RBMS3: variants seen among roughly 807,000 people sequenced by gnomAD.
RBMS3 encodes RNA binding motif single stranded interacting protein 3.
RBMS3 carries 27 observed loss-of-function variants against 66.8 expected under a neutral mutation model. The ratio of observed to expected loss-of-function variants is 0.40; its 90% confidence interval spans 0.30 to 0.56. The LOEUF is 0.56. Among genes scored for constraint, RBMS3 ranks in the 20% least tolerant of loss-of-function variants. The pLI is 0.40. For missense variants in RBMS3, 513 were observed against 549.5 expected (o/e 0.93, Z 0.66); for synonymous variants, 188 against 183.0 (o/e 1.03, Z -0.22).
intron 1 of RBMS3, among the ~76,000 whole-genome samples, chr3:29,434,515 A>T (rs1037913345): frequency 6.6e-6 from 1 of 152,200 alleles, no homozygotes; most frequent in African/African-American, 2.4e-5. Context: ...AGCACCTGAT[A>T]ACTGTTTTTT....
chr3:29,448,593 T>C (rs2041915756), intron 2 of RBMS3, among the ~76,000 whole-genome samples: 1 of 152,232 alleles, frequency 6.6e-6, no homozygotes. Context: ...AGGACAATTA[T>C]AGTCAGAGTT....
At chr3:29,309,666 A>G (rs1468744789) in intron 1 of RBMS3, among the ~76,000 whole-genome samples, 2 of 151,656 alleles carry the variant, frequency 1.3e-5, no homozygotes, top group Admixed American at 1.3e-4. Context: ...AGAAGCAGAA[A>G]TGAGTATTAT....
intron 4 of RBMS3, among the ~76,000 whole-genome samples, chr3:29,602,165 A>G (rs572567583): frequency 6.6e-6 from 1 of 152,132 alleles, no homozygotes; most frequent in Admixed American, 6.6e-5. Context: ...GTACACTGAC[A>G]CAAGTTAGTT....
intron 3 of RBMS3, among the ~76,000 whole-genome samples, chr3:29,517,609 C>A (rs563775282): frequency 6.6e-6 from 1 of 152,288 alleles, no homozygotes; most frequent in African/African-American, 2.4e-5. Context: ...AGGCGTGAGC[C>A]ACCGCGCCCG....
chr3:29,536,975 T>C (rs546859163), intron 3 of RBMS3, among the ~76,000 whole-genome samples: 1 of 152,340 alleles, frequency 6.6e-6, no homozygotes, highest in African/African-American at 2.4e-5. Context: ...CTGGAGAGAA[T>C]GTTATAAGAC....
At chr3:29,638,258 A>G (rs1233252930) in intron 4 of RBMS3, among the ~76,000 whole-genome samples, 1 of 151,326 alleles carries the variant, frequency 6.6e-6, no homozygotes, top group Non-Finnish European at 1.5e-5. Context: ...TATTGTATCT[A>G]TCTTGAAAAA....
chr3:29,936,784 A>G (rs2061276002), intron 11 of RBMS3, among the ~76,000 whole-genome samples: 1 of 152,134 alleles, frequency 6.6e-6, no homozygotes. Context: ...TCAGAGAACA[A>G]AAGTGTGCTG....
intron 4 of RBMS3, among the ~76,000 whole-genome samples, chr3:29,599,644 G>A (rs1271455366): frequency 3.3e-5 from 5 of 151,958 alleles, no homozygotes; most frequent in South Asian, 2.1e-4. Flanking sequence ...TATTAGAAAC[G>A]TAACTAAATT....
At chr3:29,871,529 G>T (rs2059491361) in intron 7 of RBMS3, among the ~76,000 whole-genome samples, 1 of 152,092 alleles carries the variant, frequency 6.6e-6, no homozygotes, top group Non-Finnish European at 1.5e-5. Context: ...TTTATAAAGA[G>T]ATCATTTGGG....
intron 5 of RBMS3, among the ~76,000 whole-genome samples, chr3:29,751,253 T>G (rs2055168909): frequency 6.6e-6 from 1 of 152,208 alleles, no homozygotes; most frequent in African/African-American, 2.4e-5. Context: ...ACTTTTAGTG[T>G]GTTATCAATA....
At chr3:29,818,317 A>G (rs1366727946) in intron 6 of RBMS3, among the ~76,000 whole-genome samples, 2 of 151,938 alleles carry the variant, frequency 1.3e-5, no homozygotes, top group East Asian at 3.9e-4. Context: ...TTTCTTCTTT[A>G]ATAAGTAAAA....
intron 6 of RBMS3, among the ~76,000 whole-genome samples, chr3:29,832,041 C>G (rs1331403189): frequency 1.3e-5 from 2 of 151,990 alleles, no homozygotes; most frequent in African/African-American, 4.8e-5. Flanking sequence ...TACACTATTC[C>G]TTTGTGTTTT....
intron 3 of RBMS3, among the ~76,000 whole-genome samples, chr3:29,582,076 A>G (rs2047346532): frequency 6.6e-6 from 1 of 152,174 alleles, no homozygotes; most frequent in Non-Finnish European, 1.5e-5. Context: ...CTCAGGGAAG[A>G]TGTTGCCAGC....
At chr3:29,325,398 A>T (rs1314763853) in intron 1 of RBMS3, among the ~76,000 whole-genome samples, 5 of 152,080 alleles carry the variant, frequency 3.3e-5, no homozygotes, top group Non-Finnish European at 7.4e-5. Flanking sequence ...ATTAACTTTC[A>T]AAAGTGTGTT....
At chr3:29,469,063 C>T (rs1575910642) in intron 2 of RBMS3, among the ~76,000 whole-genome samples, 1 of 152,174 alleles carries the variant, frequency 6.6e-6, no homozygotes, top group Non-Finnish European at 1.5e-5. Context: ...GTTTATGACT[C>T]AATAAGGTTA....
intron 1 of RBMS3, among the ~76,000 whole-genome samples, chr3:29,375,574 A>G (rs1184595188): frequency 6.6e-6 from 1 of 152,240 alleles, no homozygotes; most frequent in Non-Finnish European, 1.5e-5. Context: ...AAAAGAAGAC[A>G]TACATGCAGC....
chr3:29,752,545 A>C (rs2055229522), intron 5 of RBMS3, among the ~76,000 whole-genome samples: 1 of 152,180 alleles, frequency 6.6e-6, no homozygotes, highest in Non-Finnish European at 1.5e-5. Flanking sequence ...TTAACCACTT[A>C]CATTTTCTTT....
intron 6 of RBMS3, among the ~76,000 whole-genome samples, chr3:29,795,541 A>G (rs1296824610): frequency 6.6e-6 from 1 of 152,184 alleles, no homozygotes; most frequent in Non-Finnish European, 1.5e-5. Flanking sequence ...AGTTTTGTTC[A>G]TTGTTATATC....
chr3:29,775,131 C>A (rs755261052), intron 6 of RBMS3, among the ~76,000 whole-genome samples: 1 of 151,760 alleles, frequency 6.6e-6, no homozygotes, highest in African/African-American at 2.4e-5. Flanking sequence ...GTTTAAAATA[C>A]GCTCTCACTT....
Sources: gnomAD v4.1 joint callset for allele counts (sites outside exome capture counted in the v4.1 genomes callset) on GRCh38, gnomAD v4.1.1 for gene constraint, MANE v1.5 for transcripts, NCBI Gene and HGNC (gene_info 2026-07-23, HGNC 2026-07-21) for gene names.